LRRIQ1: variants seen among roughly 807,000 people sequenced by gnomAD.
LRRIQ1 encodes the protein leucine rich repeats and IQ motif containing 1.
A neutral mutation model predicts 211.9 loss-of-function variants in LRRIQ1; 210 were observed. The observed-to-expected ratio is 0.99, with a 90% confidence interval of 0.89 to 1.11. The LOEUF (loss-of-function observed/expected upper bound fraction) is 1.11, where lower values mean the gene tolerates loss of function less well. LRRIQ1 is among the 50% of genes most tolerant of loss of function. LRRIQ1 has a pLI of 0.00. For missense variants in LRRIQ1, 2,136 were observed against 1,939.5 expected (o/e 1.10, Z -1.90); for synonymous variants, 699 against 650.1 (o/e 1.08, Z -1.14).
chr12:85,162,919 T>G (rs947035948), intron 24 of LRRIQ1: 2 of 378,992 alleles, frequency 5.3e-6, no homozygotes, highest in Admixed American at 7.7e-5. Context: ...AAAAACAGTT[T>G]TATATGGAAG....
Position 85,121,771 on chromosome 12 carries a change from G to T in LRRIQ1, c.3452G>T (p.Arg1151Leu). 4 of 1,609,602 alleles carry T rather than the reference G, an allele frequency of 2.5e-6. No individual in the cohort carries two copies. Among genetic ancestry groups the T allele is most frequent in the Non-Finnish European group, 3.4e-6 (4 of 1,177,886 alleles). Residue 1151 changes from arginine (R) to leucine (L), a missense_variant, in exon 16 of 27, where the codon CGC becomes CTC. Coordinates refer to ENST00000393217, the MANE Select transcript of LRRIQ1 (RefSeq NM_001079910.2). ...ATACTAAACTCTAATTCAGAAAGCC[G>T]CACTGAAGAACACAATCAACTGGGA... is the stretch of plus-strand genomic sequence containing the variant. ...GNILNSNSES[R>L]TEEHNQLGSA...
intron 24 of LRRIQ1, among the ~76,000 whole-genome samples, chr12:85,192,432 TTATA>T (rs1417617575): frequency 7.6e-6 from 1 of 131,528 alleles, no homozygotes; most frequent in South Asian, 2.2e-4. Flanking sequence ...TTATATATAT[TTATA>T]TATAAATGTA....
intron 24 of LRRIQ1, among the ~76,000 whole-genome samples, chr12:85,193,404 G>A (rs1592949254): frequency 7.6e-6 from 1 of 132,022 alleles, no homozygotes; most frequent in Admixed American, 8.5e-5. Context: ...AGGAAAAAAT[G>A]TTAAGGGCAG....
chr12:85,236,829 G>GTATATATA (rs1565921248), intron 26 of LRRIQ1, among the ~76,000 whole-genome samples: 1 of 60,454 alleles, frequency 1.7e-5, no homozygotes, highest in African/African-American at 1.6e-4. Flanking sequence ...GTGTATGTGT[G>GTATATATA]CATATATATA....
chr12:85,262,984 T>TA lies in LRRIQ1; in HGVS notation c.192dup (p.Ser65IlefsTer105), dbSNP rs1360224369. On this transcript the variant is annotated frameshift_variant, in exon 2 of 2. Coordinates refer to the LRRIQ1 transcript ENST00000602731. LOFTEE classifies it high-confidence loss of function. ...ACAAGACCTTCTAAAAAAGAACGTATATCATTCCGAGACAATCCTGTACAA... is the reference window on the plus strand; with the variant it reads ...ACAAGACCTTCTAAAAAAGAACGTATAATCATTCCGAGACAATCCTGTACAA... 6.1e-6 allele frequency: 6 copies of TA among 987,618 alleles called. No individual in the cohort carries two copies. In the African/African-American group the frequency reaches 1.0e-4, roughly 17 times the overall value. 61.2% of individuals were successfully genotyped at this position (987,618 alleles called of 1,614,324 possible). A position where few individuals can be genotyped will look rare whatever the true frequency, so the allele number is the denominator to read the frequency against.
At chr12:85,244,253 A>G (rs1287680059) in intron 26 of LRRIQ1, among the ~76,000 whole-genome samples, 5 of 151,480 alleles carry the variant, frequency 3.3e-5, no homozygotes, top group Admixed American at 2.0e-4. Context: ...TAATTATCCC[A>G]AAATTAGTAT....
Position 85,227,919 on chromosome 12 carries a change from G to T in LRRIQ1, c.4823-1598G>T, listed in dbSNP as rs531753422. On this transcript the variant is annotated intron_variant, in intron 24 of 26. Transcript: ENST00000393217. ...CAAACCTGACAAAAACAAGAAATGGGGAAAAGATTCCCTATTTAATAAATG... is the reference window on the plus strand; with the variant it reads ...CAAACCTGACAAAAACAAGAAATGGTGAAAAGATTCCCTATTTAATAAATG... Among the ~76,000 whole-genome samples the T allele has an allele frequency of 5.3e-5, 8 of 152,160 alleles. No homozygotes were observed. In the East Asian group the frequency reaches 1.5e-3, roughly 29 times the overall value.
At chr12:85,121,132 T>C (rs747755466) in intron 15 of LRRIQ1, among the ~76,000 whole-genome samples, 4 of 152,058 alleles carry the variant, frequency 2.6e-5, no homozygotes, top group Non-Finnish European at 5.9e-5. Context: ...CAAAAATTGA[T>C]ATAGACTTTT....
chr12:85,078,514 G>A lies in LRRIQ1; in HGVS notation c.2887+5416G>A, dbSNP rs142884533. Among the ~76,000 whole-genome samples the A allele has an allele frequency of 4.1e-4, 62 of 152,070 alleles. 1 individual carries two copies. The highest frequency in any genetic ancestry group is 1.3e-3 in the African/African-American group (56 of 41,494). On this transcript the variant is annotated intron_variant, in intron 11 of 26. Coordinates refer to ENST00000393217, the MANE Select transcript of LRRIQ1 (RefSeq NM_001079910.2). ...ATTAAGTGTGGTACTGATAATATTA[G>A]CAATGACTTCATGATTATTGTAGTT...
At chr12:85,091,958 A>G (rs188120950) in intron 11 of LRRIQ1, among the ~76,000 whole-genome samples, 151 of 152,252 alleles carry the variant, frequency 9.9e-4, no homozygotes, top group African/African-American at 3.4e-3. Flanking sequence ...TGTATTTACA[A>G]TGGCTCACTG....
intron 15 of LRRIQ1, among the ~76,000 whole-genome samples, chr12:85,111,938 A>G (rs890346424): frequency 9.9e-5 from 10 of 100,584 alleles, no homozygotes; most frequent in African/African-American, 5.2e-4. Flanking sequence ...GACATTTTAT[A>G]TATATATACA....
At chr12:85,152,949 G>A in intron 20 of LRRIQ1, 75 bp from the exon 21 acceptor site, 4 of 1,023,346 alleles carry the variant, frequency 3.9e-6, no homozygotes, top group Non-Finnish European at 5.6e-6. Context: ...TTGGTAATAT[G>A]CATGTAAAAT....
At chr12:85,227,644 C>A (rs1371020530) in intron 24 of LRRIQ1, among the ~76,000 whole-genome samples, 4 of 152,134 alleles carry the variant, frequency 2.6e-5, no homozygotes, top group Non-Finnish European at 5.9e-5. Flanking sequence ...CTACCAATGA[C>A]TTTCTTCACA....
intron 19 of LRRIQ1, among the ~76,000 whole-genome samples, chr12:85,151,717 T>C (rs952494971): frequency 6.6e-6 from 1 of 151,562 alleles, no homozygotes; most frequent in African/African-American, 2.4e-5. Flanking sequence ...GGCTTAAATT[T>C]ATAATTTTGT....
At chr12:85,123,749 A>G (rs1888154220) in intron 16 of LRRIQ1, among the ~76,000 whole-genome samples, 1 of 152,174 alleles carries the variant, frequency 6.6e-6, no homozygotes, top group South Asian at 2.1e-4. Flanking sequence ...TTAGTCAGCC[A>G]TGATTTCTCA....
At position 85,067,584 on chromosome 12, in the gene LRRIQ1, T is replaced by G. The variant is rs568522969; in HGVS notation, c.2695+686T>G. 2.6e-5 allele frequency among the ~76,000 whole-genome samples: 4 copies of G among 152,034 alleles called. No individual in the cohort carries two copies. In the South Asian group the frequency reaches 8.3e-4, roughly 32 times the overall value. ...ATATTTTTGATATGGTCTTGCTATG[T>G]TGCCCAGGCTTGTCTCGAACTCCTG... On this transcript the variant is annotated intron_variant, in intron 10 of 26. Coordinates refer to ENST00000393217, the MANE Select transcript of LRRIQ1 (RefSeq NM_001079910.2).
intron 24 of LRRIQ1, among the ~76,000 whole-genome samples, chr12:85,227,348 A>T (rs561104397): frequency 6.6e-6 from 1 of 152,224 alleles, no homozygotes; most frequent in East Asian, 1.9e-4. Flanking sequence ...ATATGTATAC[A>T]TGTGCCATGT....
At chr12:85,245,654 C>T (rs967822228), downstream of LRRIQ1, among the ~76,000 whole-genome samples, 8 of 150,610 alleles carry the variant, frequency 5.3e-5, no homozygotes, top group Admixed American at 1.3e-4. Flanking sequence ...GAATCAAGAG[C>T]GATTTCTTTC....
At chr12:85,123,967 A>T in intron 16 of LRRIQ1, 103 bp from the exon 17 acceptor site, 1 of 721,578 alleles carries the variant, frequency 1.4e-6, no homozygotes, top group Non-Finnish European at 2.3e-6. Flanking sequence ...ACTGAAGTTT[A>T]ATATTCATTT....
Sources: allele counts gnomAD v4.1 joint callset (sites outside exome capture counted in the v4.1 genomes callset), GRCh38; gene constraint gnomAD v4.1.1; transcripts MANE v1.5; gene names NCBI Gene and HGNC (gene_info 2026-07-23, HGNC 2026-07-21).